Variants in SCUBE1 observed in about 807,000 individuals in gnomAD.
SCUBE1 encodes the protein signal peptide, CUB domain and EGF like domain containing 1.
In SCUBE1, 59 loss-of-function variants were observed where a neutral mutation model predicts 124.4. The ratio of observed to expected loss-of-function variants is 0.47; its 90% CI spans 0.38 to 0.59. The LOEUF (loss-of-function observed/expected upper bound fraction) is 0.59. Among genes scored for constraint, SCUBE1 ranks in the 20% least tolerant of loss-of-function variants. The pLI, the probability that SCUBE1 is intolerant of heterozygous loss-of-function variation, is 0.00. For missense variants in SCUBE1, 1,150 were observed against 1,371.2 expected (o/e 0.84, Z 2.55); for synonymous variants, 545 against 550.9 (o/e 0.99, Z 0.15).
intron 3 of SCUBE1, among the ~76,000 whole-genome samples, chr22:43,294,905 C>T (rs1275927297): frequency 6.6e-6 from 1 of 152,156 alleles, no homozygotes; most frequent in African/African-American, 2.4e-5. Flanking sequence ...CAATTGCTGC[C>T]AGCGAGGCCC....
chr22:43,289,780 C>G (rs1925286477), intron 4 of SCUBE1, among the ~76,000 whole-genome samples: 1 of 152,320 alleles, frequency 6.6e-6, no homozygotes, highest in East Asian at 1.9e-4. Context: ...GTAGAGCCGC[C>G]CATGGGAAGG....
chr22:43,328,054 C>T (rs1168356399), intron 2 of SCUBE1, among the ~76,000 whole-genome samples: 1 of 152,208 alleles, frequency 6.6e-6, no homozygotes, highest in Non-Finnish European at 1.5e-5. Context: ...GAACTGACCT[C>T]AAATGCCACC....
intron 14 of SCUBE1, among the ~76,000 whole-genome samples, chr22:43,219,634 T>C (rs1016801488): frequency 4.0e-5 from 6 of 151,750 alleles, no homozygotes; most frequent in Admixed American, 6.6e-5. Flanking sequence ...CCACCACACC[T>C]GGCTAATTTT....
chr22:43,201,303 C>CAAAAAAAGAAAAAA lies in SCUBE1; in HGVS notation c.*2693_*2694insTTTTTTCTTTTTTT, dbSNP rs1920999877. 2.3e-5 allele frequency: 1 copy of CAAAAAAAGAAAAAA among 43,978 alleles called. No homozygotes were observed. Among genetic ancestry groups the CAAAAAAAGAAAAAA allele is most frequent in the Non-Finnish European group, 4.1e-5 (1 of 24,188 alleles). 2.7% of individuals were successfully genotyped at this position (43,978 alleles called of 1,614,324 possible). A position where few individuals can be genotyped will look rare whatever the true frequency, so the allele number is the denominator to read the frequency against. On this transcript the variant is annotated 3_prime_UTR_variant, in exon 22 of 22. Coordinates refer to ENST00000360835, the MANE Select transcript of SCUBE1 (RefSeq NM_173050.5). ...TGGGTGACAGAGCGAGACTCCATCTCAAAAAAAAAAAAAAAAAAAAAAAAG... is the reference window on the plus strand; with the variant it reads ...TGGGTGACAGAGCGAGACTCCATCTCAAAAAAAGAAAAAAAAAAAAAAAAAAAAAAAAAAAAAAG...
At chr22:43,274,040 C>T (rs1924400135) in intron 4 of SCUBE1, among the ~76,000 whole-genome samples, 1 of 151,824 alleles carries the variant, frequency 6.6e-6, no homozygotes, top group Non-Finnish European at 1.5e-5. Context: ...TTCCCCGTTC[C>T]TCTCCCTTGA....
intron 3 of SCUBE1, among the ~76,000 whole-genome samples, chr22:43,299,103 C>CT (rs1336935208): frequency 6.6e-6 from 1 of 151,834 alleles, no homozygotes; most frequent in African/African-American, 2.4e-5. Context: ...GTCACTTGCT[C>CT]TGTGACCTTG....
At chr22:43,221,831 A>T (rs1277463963) in intron 12 of SCUBE1, among the ~76,000 whole-genome samples, 4 of 152,178 alleles carry the variant, frequency 2.6e-5, no homozygotes, top group Non-Finnish European at 5.9e-5. Context: ...TGGGAGGCCG[A>T]GGCAGGCGGA....
chr22:43,319,917 G>T lies in SCUBE1; in HGVS notation c.349+20C>A. ...CAGGCAGGGTGTGCCCAGAGGGTAG[G>T]CTACAGCTGTATCACTCACCCAGGC... On this transcript the variant is annotated intron_variant, in intron 3 of 21. Transcript: ENST00000360835. The T allele has an allele frequency of 6.2e-7, 1 of 1,613,626 alleles. No homozygotes were observed. Among genetic ancestry groups the T allele is most frequent in the Non-Finnish European group, 8.5e-7 (1 of 1,179,742 alleles).
intron 7 of SCUBE1, chr22:43,233,474 G>C (rs1229476190): frequency 6.6e-6 from 1 of 152,246 alleles, no homozygotes; most frequent in Non-Finnish European, 1.5e-5. Context: ...GAGGACAATG[G>C]GAAGATCAGC....
rs1363603676 is a variant in SCUBE1, at chr22:43,197,389, AG to A, written c.*6607del. The A allele has an allele frequency of 1.1e-4, 17 of 152,272 alleles. No individual in the cohort carries two copies. Among genetic ancestry groups the A allele is most frequent in the Non-Finnish European group, 2.9e-5 (2 of 68,040 alleles). The allele number at this position is 152,272 out of a possible 1,614,324, so 9.4% of individuals were successfully genotyped here. ...AAACTGAATATTTGTGGCAACTAAA[AG>A]GAAGATGTGGTTATGTTGGTATTTG... is the stretch of plus-strand genomic sequence containing the variant. On this transcript the variant is annotated 3_prime_UTR_variant, in exon 22 of 22. Coordinates refer to ENST00000360835, the MANE Select transcript of SCUBE1 (RefSeq NM_173050.5).
chr22:43,332,046 G>A (rs938441395), intron 2 of SCUBE1, among the ~76,000 whole-genome samples: 1 of 152,200 alleles, frequency 6.6e-6, no homozygotes, highest in Non-Finnish European at 1.5e-5. Context: ...CAGCACTTTG[G>A]GAGGCTGAGG....
chr22:43,197,353 T>G lies in SCUBE1; in HGVS notation c.*6644A>C, dbSNP rs1375070518. On this transcript the variant is annotated 3_prime_UTR_variant, in exon 22 of 22. Coordinates refer to ENST00000360835, the MANE Select transcript of SCUBE1 (RefSeq NM_173050.5). ...CATTACATGCATATGGGGGACATGATGGATAAAACAAAACTGAATATTTGT... is the reference window on the plus strand; with the variant it reads ...CATTACATGCATATGGGGGACATGAGGGATAAAACAAAACTGAATATTTGT... 1 of 152,236 alleles carries G rather than the reference T, an allele frequency of 6.6e-6. No homozygotes were observed. Among genetic ancestry groups the G allele is most frequent in the Non-Finnish European group, 1.5e-5 (1 of 68,044 alleles). 9.4% of individuals were successfully genotyped at this position (152,236 alleles called of 1,614,324 possible).
intron 4 of SCUBE1, among the ~76,000 whole-genome samples, chr22:43,267,184 G>A (rs907554633): frequency 6.6e-6 from 1 of 152,182 alleles, no homozygotes; most frequent in African/African-American, 2.4e-5. Context: ...TGGGTAACCC[G>A]TTGGGGAGAC....
chr22:43,200,944 C>T lies in SCUBE1; in HGVS notation c.*3053G>A, dbSNP rs1920991600. ...CGTGGGTGGCAACTTTCAGAAATCG[C>T]CCAAAGGAATTGCAGAAAGAGCTCA... On this transcript the variant is annotated 3_prime_UTR_variant, in exon 22 of 22. Transcript: ENST00000360835. 6.6e-6 allele frequency: 1 copy of T among 152,198 alleles called. No individual in the cohort carries two copies. The highest frequency in any genetic ancestry group is 1.5e-5 in the Non-Finnish European group (1 of 68,092). 9.4% of individuals were successfully genotyped at this position (152,198 alleles called of 1,614,324 possible).
intron 9 of SCUBE1, among the ~76,000 whole-genome samples, chr22:43,228,393 C>T (rs1041262288): frequency 2.0e-5 from 3 of 152,188 alleles, no homozygotes; most frequent in Non-Finnish European, 4.4e-5. Flanking sequence ...ACCCTGGATT[C>T]CACTCTCCTT....
intron 7 of SCUBE1, among the ~76,000 whole-genome samples, chr22:43,233,928 A>G (rs975230990): frequency 2.0e-5 from 3 of 151,700 alleles, no homozygotes; most frequent in Non-Finnish European, 4.4e-5. Flanking sequence ...ACTTTCTGGT[A>G]TCATCTCGTG....
At chr22:43,247,801 G>A (rs1164298720) in intron 6 of SCUBE1, among the ~76,000 whole-genome samples, 1 of 152,216 alleles carries the variant, frequency 6.6e-6, no homozygotes, top group Admixed American at 6.5e-5. Context: ...TTTTACACTT[G>A]GGCTCCTCCT....
chr22:43,261,926 T>G (rs1486441014), intron 5 of SCUBE1, among the ~76,000 whole-genome samples: 1 of 152,160 alleles, frequency 6.6e-6, no homozygotes, highest in African/African-American at 2.4e-5. Context: ...GTGGGGAGGA[T>G]GCACTGGCTC....
At position 43,325,729 on chromosome 22, in the gene SCUBE1, T is replaced by A. The variant is rs536860958; in HGVS notation, c.221-5664A>T. Among the ~76,000 whole-genome samples, 16 of 152,076 alleles carry A rather than the reference T, an allele frequency of 1.1e-4. No homozygotes were observed. In the East Asian group the frequency reaches 3.1e-3, roughly 29 times the overall value. On this transcript the variant is annotated intron_variant, in intron 2 of 21. Coordinates refer to ENST00000360835, the MANE Select transcript of SCUBE1 (RefSeq NM_173050.5). Reference sequence around the variant, plus strand: ...TGCTTGGATTTTTTTTTGTTTTTAATGAAAACTCAATTCCCAACAGAAGAC... The same window carrying A: ...TGCTTGGATTTTTTTTTGTTTTTAAAGAAAACTCAATTCCCAACAGAAGAC...
Sources: allele counts gnomAD v4.1 joint callset (sites outside exome capture counted in the v4.1 genomes callset), GRCh38; gene constraint gnomAD v4.1.1; transcripts MANE v1.5; gene names NCBI Gene and HGNC (gene_info 2026-07-23, HGNC 2026-07-21).